The following RAP1A variants were observed in gnomAD, a reference collection of about 807,000 sequenced individuals.
RAP1A encodes ras-related protein Rap-1A.
RAP1A carries 6 observed loss-of-function variants against 26.4 expected under a neutral mutation model. The ratio of observed to expected loss-of-function variants is 0.23; its 90% CI spans 0.12 to 0.45. The LOEUF (loss-of-function observed/expected upper bound fraction) is 0.45, where lower values mean the gene tolerates loss of function less well. Among genes scored for constraint, RAP1A ranks in the 20% least tolerant of loss-of-function variants. RAP1A has a pLI of 0.99. For missense variants in RAP1A, 121 were observed against 217.2 expected, an observed-to-expected ratio of 0.56 and a Z score of 2.78; for synonymous variants, 73 against 79.4, an observed-to-expected ratio of 0.92 and a Z score of 0.43.
chr1:111,618,435 G>GCGCC (rs1254457024), upstream of RAP1A, among the ~76,000 whole-genome samples: 1 of 152,132 alleles, frequency 6.6e-6, no homozygotes, highest in Non-Finnish European at 1.5e-5. Context: ...CTGACTGGTA[G>GCGCC]CGCCTCCTTT....
At chr1:111,596,910 TA>T (rs1194011461) in intron 1 of RAP1A, among the ~76,000 whole-genome samples, 1 of 152,344 alleles carries the variant, frequency 6.6e-6, no homozygotes, top group Non-Finnish European at 1.5e-5. Context: ...GATTTGGGGT[TA>T]GGGGGTCATA....
chr1:111,697,772 A>G (rs769617431), intron 4 of RAP1A, among the ~76,000 whole-genome samples: 1 of 152,090 alleles, frequency 6.6e-6, no homozygotes, highest in Non-Finnish European at 1.5e-5. Context: ...ATTTATTTTA[A>G]ATTTAGAGCT....
At chr1:111,659,964 C>A (rs575713805) in intron 1 of RAP1A, among the ~76,000 whole-genome samples, 1 of 152,160 alleles carries the variant, frequency 6.6e-6, no homozygotes, top group Non-Finnish European at 1.5e-5. Context: ...TCACCTAATA[C>A]CTTGTTGCTG....
intron 1 of RAP1A, among the ~76,000 whole-genome samples, chr1:111,582,998 G>A (rs1166376998): frequency 6.6e-6 from 1 of 152,118 alleles, no homozygotes; most frequent in Non-Finnish European, 1.5e-5. Flanking sequence ...GAGGTCTAGA[G>A]GCCAATTCAC....
chr1:111,615,609 G>C (rs966902840), upstream of RAP1A, among the ~76,000 whole-genome samples: 1 of 152,094 alleles, frequency 6.6e-6, no homozygotes, highest in Non-Finnish European at 1.5e-5. Flanking sequence ...GAGGCAGGCA[G>C]ATCATGAGGT....
At chr1:111,602,881 T>C (rs12045658) in intron 1 of RAP1A, among the ~76,000 whole-genome samples, 28,014 of 152,144 alleles carry the variant, frequency 0.18, 2,981 homozygotes, top group South Asian at 0.24. Flanking sequence ...GCAAGTGAAG[T>C]GTGTGGTCAG....
At chr1:111,621,908 TAC>T (rs948848703) in intron 1 of RAP1A, among the ~76,000 whole-genome samples, 9 of 152,332 alleles carry the variant, frequency 5.9e-5, no homozygotes, top group African/African-American at 1.7e-4. Context: ...GGACAGTATC[TAC>T]ACTTAATATA....
chr1:111,712,544 T>A lies in RAP1A; in HGVS notation c.*143T>A, dbSNP rs1232560545. Reference sequence around the variant, plus strand: ...TTATATATTATGTGAAGAATTTAGATCTTATATTGGTTTGCACAAGTTCCC... The same window carrying A: ...TTATATATTATGTGAAGAATTTAGAACTTATATTGGTTTGCACAAGTTCCC... On this transcript the variant is annotated 3_prime_UTR_variant, in exon 8 of 8. Coordinates refer to ENST00000369709, the MANE Select transcript of RAP1A (RefSeq NM_002884.4). 2 of 152,500 alleles carry A rather than the reference T, an allele frequency of 1.3e-5. No homozygotes were observed. Among genetic ancestry groups the A allele is most frequent in the East Asian group, 3.8e-4 (2 of 5,208 alleles). The allele number at this position is 152,500 out of a possible 1,614,324, so 9.4% of individuals were successfully genotyped here. A position where few individuals can be genotyped will look rare whatever the true frequency, so the allele number is the denominator to read the frequency against.
intron 5 of RAP1A, 102 bp downstream of exon 5, chr1:111,703,578 C>T: frequency 1.7e-6 from 2 of 1,158,646 alleles, no homozygotes; most frequent in Non-Finnish European, 2.3e-6. Flanking sequence ...AGCTATCTAC[C>T]ACATGCCTGA....
chr1:111,657,803 T>G (rs1488056456), intron 1 of RAP1A, among the ~76,000 whole-genome samples: 2 of 152,196 alleles, frequency 1.3e-5, no homozygotes, highest in Admixed American at 1.3e-4. Context: ...ATTTTATAAA[T>G]TTTAATATGT....
chr1:111,705,171 C>G (rs1431546780), intron 6 of RAP1A, among the ~76,000 whole-genome samples: 1 of 152,144 alleles, frequency 6.6e-6, no homozygotes, highest in African/African-American at 2.4e-5. Flanking sequence ...TCCAACTGTC[C>G]CCACCAGTCA....
chr1:111,670,335 G>A (rs964046197), intron 1 of RAP1A, among the ~76,000 whole-genome samples: 11 of 152,106 alleles, frequency 7.2e-5, no homozygotes, highest in East Asian at 1.9e-4. Context: ...TTAGCCGGAC[G>A]TGGTGGCATG....
At chr1:111,704,137 GGATCTCTTCCATTTTTT>G (rs1251629764) in intron 5 of RAP1A, among the ~76,000 whole-genome samples, 189 bp from the exon 6 acceptor site, 1 of 145,574 alleles carries the variant, frequency 6.9e-6, no homozygotes, top group Admixed American at 7.0e-5. Flanking sequence ...CTATGTAGTA[GGATCTCTTCCATTTTTT>G]TTTTTTTTTT....
chr1:111,663,012 C>T (rs1026156782), intron 1 of RAP1A, among the ~76,000 whole-genome samples: 2 of 152,198 alleles, frequency 1.3e-5, no homozygotes, highest in African/African-American at 4.8e-5. Flanking sequence ...CTCCCTGATT[C>T]TAGTGATTCT....
At chr1:111,690,479 CCA>C (rs1353509150) in intron 1 of RAP1A, among the ~76,000 whole-genome samples, 1 of 152,240 alleles carries the variant, frequency 6.6e-6, no homozygotes, top group East Asian at 1.9e-4. Flanking sequence ...TCTCCCTTCA[CCA>C]CAGTCTGAAA....
intron 1 of RAP1A, among the ~76,000 whole-genome samples, chr1:111,676,748 T>C (rs1296593509): frequency 6.6e-6 from 1 of 151,998 alleles, no homozygotes; most frequent in Non-Finnish European, 1.5e-5. Flanking sequence ...CCCAAACAGC[T>C]TTCTGTCACT....
chr1:111,563,660 C>A (rs368999683), intron 1 of RAP1A, among the ~76,000 whole-genome samples: 3 of 152,220 alleles, frequency 2.0e-5, no homozygotes, highest in African/African-American at 7.2e-5. Context: ...AGCATTTTCA[C>A]GTATATTATG....
At chr1:111,572,436 C>A (rs991472711) in intron 1 of RAP1A, among the ~76,000 whole-genome samples, 2 of 152,212 alleles carry the variant, frequency 1.3e-5, no homozygotes, top group African/African-American at 4.8e-5. Flanking sequence ...TCATTTACAG[C>A]GTGCATGCCT....
chr1:111,543,727 A>C (rs1468571977), intron 1 of RAP1A, among the ~76,000 whole-genome samples: 1 of 151,884 alleles, frequency 6.6e-6, no homozygotes, highest in East Asian at 1.9e-4. Flanking sequence ...GAGAAAGAGG[A>C]GGAGGAAGAG....
Sources: allele counts gnomAD v4.1 joint callset (sites outside exome capture counted in the v4.1 genomes callset), GRCh38; gene constraint gnomAD v4.1.1; transcripts MANE v1.5; gene names NCBI Gene and HGNC (gene_info 2026-07-23, HGNC 2026-07-21).